MELK: variants seen among roughly 807,000 people sequenced by gnomAD.
MELK encodes the protein pEg3 kinase.
MELK carries 81 observed loss-of-function variants against 85.0 expected under a neutral mutation model. The ratio of observed to expected loss-of-function variants is 0.95; its 90% CI spans 0.80 to 1.15. MELK has a LOEUF of 1.15. MELK is among the 50% of genes most tolerant of loss of function. The pLI, the probability that MELK is intolerant of heterozygous loss-of-function variation, is 0.00. For synonymous variants in MELK, 252 were observed against 265.0 expected (o/e 0.95, Z 0.48); for missense variants, 754 against 777.5 (o/e 0.97, Z 0.36).
intron 6 of MELK, among the ~76,000 whole-genome samples, chr9:36,597,665 T>C (rs896919866): frequency 6.6e-6 from 1 of 152,234 alleles, no homozygotes; most frequent in Non-Finnish European, 1.5e-5. Flanking sequence ...GTTGAGAATT[T>C]AGTGCAAATC....
At chr9:36,632,469 T>C (rs1017145130) in intron 9 of MELK, among the ~76,000 whole-genome samples, 16 of 152,126 alleles carry the variant, frequency 1.1e-4, no homozygotes, top group African/African-American at 3.6e-4. Context: ...ATTCAGAATA[T>C]CTTCTGGTTT....
chr9:36,612,643 A>G (rs1826167417), intron 8 of MELK, among the ~76,000 whole-genome samples: 2 of 152,208 alleles, frequency 1.3e-5, no homozygotes, highest in Admixed American at 1.3e-4. Flanking sequence ...TGGCCTCCCA[A>G]AGAGGCTGGG....
intron 14 of MELK, 32 bp from the exon 15 acceptor site, chr9:36,669,278 C>A: frequency 7.1e-7 from 1 of 1,403,630 alleles, no homozygotes; most frequent in Non-Finnish European, 9.9e-7. Context: ...GTATGTGCTG[C>A]ATATGGATTG....
intron 5 of MELK, 100 bp from the exon 6 acceptor site, chr9:36,597,122 C>A: frequency 1.1e-6 from 1 of 912,514 alleles, no homozygotes; most frequent in Non-Finnish European, 1.7e-6. Flanking sequence ...CAGGCATGAG[C>A]TGCCACACCT....
At chr9:36,610,856 C>T (rs930501236) in intron 8 of MELK, among the ~76,000 whole-genome samples, 4 of 152,140 alleles carry the variant, frequency 2.6e-5, no homozygotes, top group Non-Finnish European at 5.9e-5. Flanking sequence ...GAATTCTTCC[C>T]TCTTTTTGCT....
intron 13 of MELK, among the ~76,000 whole-genome samples, chr9:36,661,994 A>G (rs1831883266): frequency 6.6e-6 from 1 of 151,302 alleles, no homozygotes; most frequent in Non-Finnish European, 1.5e-5. Flanking sequence ...TAGATTTGGT[A>G]TGCAAACTGA....
At chr9:36,618,959 AT>A (rs60381894) in intron 8 of MELK, among the ~76,000 whole-genome samples, 18,865 of 141,460 alleles carry the variant, frequency 0.13, 1,129 homozygotes, top group East Asian at 0.28. Flanking sequence ...AACTCTAAGT[AT>A]TTTTTTTTTT....
chr9:36,657,578 C>CTTTA (rs1354408991), intron 13 of MELK, among the ~76,000 whole-genome samples: 3 of 152,112 alleles, frequency 2.0e-5, no homozygotes, highest in Non-Finnish European at 2.9e-5. Context: ...TTTACTGCTC[C>CTTTA]TTTATTTCCT....
At chr9:36,646,564 C>T (rs541676415) in intron 11 of MELK, among the ~76,000 whole-genome samples, 1 of 152,358 alleles carries the variant, frequency 6.6e-6, no homozygotes, top group South Asian at 2.1e-4. Context: ...AGATTCCCAA[C>T]AGTGCTTTCC....
At chr9:36,614,425 GTTTT>G (rs58332948) in intron 8 of MELK, among the ~76,000 whole-genome samples, 11 of 118,996 alleles carry the variant, frequency 9.2e-5, no homozygotes, top group Non-Finnish European at 1.6e-4. Flanking sequence ...TTATTTTTGG[GTTTT>G]TTTTTTTTTT....
Position 36,671,177 on chromosome 9 carries a change from T to TG in MELK, c.1674+13dup. The TG allele has an allele frequency of 6.4e-7, 1 of 1,555,652 alleles. No homozygotes were observed. Among genetic ancestry groups the TG allele is most frequent in the Non-Finnish European group, 8.7e-7 (1 of 1,152,380 alleles). On this transcript the variant is annotated intron_variant, in intron 16 of 17. Coordinates refer to ENST00000298048, the MANE Select transcript of MELK (RefSeq NM_014791.4). Reference sequence around the variant, plus strand: ...CCCAGAAGACTAAAGGTAAGCAGGCTGGAATTCTTTCATATGGAGCAGAAG... The same window carrying TG: ...CCCAGAAGACTAAAGGTAAGCAGGCTGGGAATTCTTTCATATGGAGCAGAAG...
intron 7 of MELK, among the ~76,000 whole-genome samples, chr9:36,604,165 C>T (rs1011464070): frequency 6.7e-6 from 1 of 149,754 alleles, no homozygotes; most frequent in Non-Finnish European, 1.5e-5. Flanking sequence ...GACGGGGTTT[C>T]TCCATGTTGG....
intron 12 of MELK, among the ~76,000 whole-genome samples, chr9:36,653,555 G>A (rs189430169): frequency 6.6e-6 from 1 of 152,230 alleles, no homozygotes; most frequent in East Asian, 1.9e-4. Flanking sequence ...ATTTCCCATG[G>A]CTTAAAATTC....
Sources: gnomAD v4.1 joint callset for allele counts (sites outside exome capture counted in the v4.1 genomes callset) on GRCh38, gnomAD v4.1.1 for gene constraint, MANE v1.5 for transcripts, NCBI Gene and HGNC (gene_info 2026-07-23, HGNC 2026-07-21) for gene names.